The following BLOC1S5 variants were observed in gnomAD, a reference collection of about 807,000 sequenced individuals.
BLOC1S5 encodes the protein biogenesis of lysosomal organelles complex 1 subunit 5, also known as biogenesis of lysosome-related organelles complex 1 subunit 5.
Under a neutral mutation model 24.3 loss-of-function variants are expected in BLOC1S5, and 27 were observed. That is an observed-to-expected ratio of 1.11 (90% CI 0.82 to 1.53). The LOEUF (loss-of-function observed/expected upper bound fraction) is 1.53, where lower values mean the gene tolerates loss of function less well. BLOC1S5 is among the 40% of genes most tolerant of loss of function. The pLI is 0.00. For synonymous variants in BLOC1S5, 84 were observed against 74.5 expected, an observed-to-expected ratio of 1.13 and a Z score of -0.66; for missense variants, 239 against 229.4, an observed-to-expected ratio of 1.04 and a Z score of -0.27.
intron 2 of BLOC1S5, among the ~76,000 whole-genome samples, chr6:8,059,405 T>C (rs1379495353): frequency 1.3e-5 from 2 of 152,250 alleles, no homozygotes; most frequent in Non-Finnish European, 2.9e-5. Flanking sequence ...TGTTGCCATA[T>C]ACCTTAAGTT....
chr6:8,048,794 CCT>C (rs1333840957), intron 2 of BLOC1S5, among the ~76,000 whole-genome samples: 1 of 151,886 alleles, frequency 6.6e-6, no homozygotes, highest in Non-Finnish European at 1.5e-5. Context: ...GGGCGGATCA[CCT>C]GAGGTCAGGA....
intron 3 of BLOC1S5, among the ~76,000 whole-genome samples, chr6:8,034,277 C>T (rs1455656673): frequency 6.6e-6 from 1 of 152,194 alleles, no homozygotes; most frequent in Admixed American, 6.5e-5. Flanking sequence ...GGCACATATA[C>T]ACTATGGAAT....
intron 4 of BLOC1S5, among the ~76,000 whole-genome samples, chr6:8,022,568 A>ATTTTTTTTTTTTTTTTTT (rs35289860): frequency 8.1e-6 from 1 of 124,008 alleles, no homozygotes; most frequent in Non-Finnish European, 1.6e-5. Context: ...TTCAAACTCT[A>ATTTTTTTTTTTTTTTTTT]TTTTTTTTTT....
Position 8,058,272 on chromosome 6 carries a change from T to A in BLOC1S5, c.195+4262A>T, listed in dbSNP as rs866835561. ...TGGTGGCTCATGCTTATAATCCCAG[T>A]ACTTTTGGAGACTGGGGTAGGAGGA... On this transcript the variant is annotated intron_variant, in intron 2 of 4. Coordinates refer to ENST00000397457, the MANE Select transcript of BLOC1S5 (RefSeq NM_201280.3). Among the ~76,000 whole-genome samples, 11 of 147,628 alleles carry A rather than the reference T, an allele frequency of 7.5e-5. No homozygotes were observed. In the South Asian group the frequency reaches 2.2e-3, roughly 29 times the overall value.
At chr6:8,022,572 T>TGTACAAGCCATGTGAAC (rs1225937562) in intron 4 of BLOC1S5, among the ~76,000 whole-genome samples, 2 of 77,536 alleles carry the variant, frequency 2.6e-5, no homozygotes, top group African/African-American at 1.2e-4. Context: ...AACTCTATTT[T>TGTACAAGCCATGTGAAC]TTTTTTCTTT....
In BLOC1S5 at chr6:8,035,358, T is replaced by TAAAA. The variant is rs202007497; in HGVS notation, c.325+5780_325+5781insTTTT. On this transcript the variant is annotated intron_variant, in intron 3 of 4. Transcript: ENST00000397457. ...AGGAATAAAAATCTTTTTTTTTTTT[T>TAAAA]TAAAAAAAAGGCATAGAGTGGCTGA... 2.3e-3 allele frequency among the ~76,000 whole-genome samples: 308 copies of TAAAA among 135,690 alleles called. 1 individual carries two copies. The highest frequency in any genetic ancestry group is 7.4e-3 in the African/African-American group (277 of 37,430). 89.0% of individuals were successfully genotyped at this position (135,690 alleles called of 152,430 possible). A position where few individuals can be genotyped will look rare whatever the true frequency, so the allele number is the denominator to read the frequency against.
intron 2 of BLOC1S5, among the ~76,000 whole-genome samples, chr6:8,052,189 G>T (rs962540620): frequency 6.6e-6 from 1 of 151,702 alleles, no homozygotes; most frequent in Non-Finnish European, 1.5e-5. Flanking sequence ...GGATGGTCTC[G>T]ATCTCCTGAC....
chr6:8,024,090 C>A (rs1414211434), intron 4 of BLOC1S5, among the ~76,000 whole-genome samples: 3 of 152,078 alleles, frequency 2.0e-5, no homozygotes, highest in African/African-American at 7.2e-5. Flanking sequence ...GGTAACAAAT[C>A]TAAGTCTGCT....
chr6:8,032,576 A>T (rs1763340959), intron 3 of BLOC1S5, among the ~76,000 whole-genome samples: 2 of 152,336 alleles, frequency 1.3e-5, no homozygotes, highest in South Asian at 4.1e-4. Context: ...CAAGACAAGG[A>T]CGCCCTCTCT....
intron 2 of BLOC1S5, among the ~76,000 whole-genome samples, chr6:8,049,888 C>G (rs1461190615): frequency 6.6e-6 from 1 of 151,828 alleles, no homozygotes; most frequent in African/African-American, 2.4e-5. Context: ...TTTTTGTATT[C>G]TTTGTAGAGA....
chr6:8,015,909 G>A lies in BLOC1S5; in HGVS notation c.385-81C>T, dbSNP rs1011092096. The A allele has an allele frequency of 3.0e-5, 38 of 1,284,032 alleles. No individual in the cohort carries two copies. In the African/African-American group the frequency reaches 3.0e-4, roughly 10 times the overall value. 79.5% of individuals were successfully genotyped at this position (1,284,032 alleles called of 1,614,324 possible). ...CGTTATCTCTTGATACTTGGTTACCGTAACAATCAGCTGGTAAGTCACAAG... is the reference window on the plus strand; with the variant it reads ...CGTTATCTCTTGATACTTGGTTACCATAACAATCAGCTGGTAAGTCACAAG... On this transcript the variant is annotated intron_variant, in intron 4 of 4. Coordinates refer to ENST00000397457, the MANE Select transcript of BLOC1S5 (RefSeq NM_201280.3).
intron 3 of BLOC1S5, among the ~76,000 whole-genome samples, chr6:8,033,435 C>A (rs1475879755): frequency 2.6e-5 from 4 of 152,134 alleles, no homozygotes; most frequent in Admixed American, 2.0e-4. Context: ...ATGTAGGAAG[C>A]TGAAACTGGA....
chr6:8,046,663 C>G (rs1283478349), intron 2 of BLOC1S5, among the ~76,000 whole-genome samples: 2 of 152,072 alleles, frequency 1.3e-5, no homozygotes, highest in Non-Finnish European at 2.9e-5. Flanking sequence ...TGATTTTTTT[C>G]CCCTCCACAA....
intron 1 of BLOC1S5, among the ~76,000 whole-genome samples, chr6:8,063,521 T>A (rs934945929): frequency 6.6e-6 from 1 of 152,218 alleles, no homozygotes; most frequent in African/African-American, 2.4e-5. Flanking sequence ...AGACATACGA[T>A]GGGCAGGTTT....
intron 3 of BLOC1S5, among the ~76,000 whole-genome samples, chr6:8,029,735 C>A (rs550430430): frequency 6.6e-6 from 1 of 152,278 alleles, no homozygotes; most frequent in African/African-American, 2.4e-5. Flanking sequence ...TGCGGACCTC[C>A]CCCATTCAAG....
At chr6:8,027,934 T>C (rs528280938) in intron 3 of BLOC1S5, among the ~76,000 whole-genome samples, 2 of 152,220 alleles carry the variant, frequency 1.3e-5, no homozygotes, top group Non-Finnish European at 2.9e-5. Context: ...TTCCACTAAT[T>C]AAACTGTTTT....
intron 3 of BLOC1S5, among the ~76,000 whole-genome samples, chr6:8,027,822 CAAAAA>C (rs34329491): frequency 8.0e-6 from 1 of 125,372 alleles, no homozygotes; most frequent in South Asian, 2.5e-4. Context: ...GACTCCATCT[CAAAAA>C]AAAAAAAAAA....
At chr6:8,052,584 C>T (rs1230635784) in intron 2 of BLOC1S5, among the ~76,000 whole-genome samples, 1 of 151,768 alleles carries the variant, frequency 6.6e-6, no homozygotes, top group Non-Finnish European at 1.5e-5. Flanking sequence ...AAAAGCAAAA[C>T]AACTAGAATT....
intron 4 of BLOC1S5, 67 bp from the exon 5 acceptor site, chr6:8,015,895 G>T: frequency 7.2e-7 from 1 of 1,398,402 alleles, no homozygotes; most frequent in South Asian, 1.4e-5. Flanking sequence ...GTTATCTCTT[G>T]ATACTTGGTT....
Sources: gnomAD v4.1 joint callset for allele counts (sites outside exome capture counted in the v4.1 genomes callset) on GRCh38, gnomAD v4.1.1 for gene constraint, MANE v1.5 for transcripts, NCBI Gene and HGNC (gene_info 2026-07-23, HGNC 2026-07-21) for gene names.